The following LRRTM4 variants were observed in gnomAD, a reference collection of about 807,000 sequenced individuals.
LRRTM4 encodes the protein leucine-rich repeat transmembrane neuronal protein 4.
A neutral mutation model predicts 47.6 loss-of-function variants in LRRTM4; 25 were observed. The observed-to-expected ratio is 0.53, with a 90% CI of 0.38 to 0.73. The LOEUF is 0.73. Ranked by LOEUF, LRRTM4 falls within the 30% of genes least tolerant of loss-of-function variation. The pLI, the probability that LRRTM4 is intolerant of heterozygous loss-of-function variation, is 0.00. For missense variants in LRRTM4, 638 were observed against 713.4 expected (o/e 0.89, Z 1.20); for synonymous variants, 311 against 269.5 (o/e 1.15, Z -1.51).
chr2:77,099,923 G>T (rs559723571), intron 3 of LRRTM4, among the ~76,000 whole-genome samples: 1 of 152,222 alleles, frequency 6.6e-6, no homozygotes, highest in Non-Finnish European at 1.5e-5. Context: ...GTGTGAAAGT[G>T]CAGGTGTATA....
intron 3 of LRRTM4, among the ~76,000 whole-genome samples, chr2:77,139,786 C>A (rs878921264): frequency 6.6e-6 from 1 of 152,130 alleles, no homozygotes; most frequent in South Asian, 2.1e-4. Context: ...TCTCAGGATA[C>A]AAAATCAATG....
intron 3 of LRRTM4, among the ~76,000 whole-genome samples, chr2:77,204,767 T>C (rs1012961148): frequency 4.6e-5 from 7 of 152,164 alleles, no homozygotes; most frequent in Non-Finnish European, 1.0e-4. Flanking sequence ...ACTTATGTCC[T>C]ACACCAGGCA....
intron 3 of LRRTM4, among the ~76,000 whole-genome samples, chr2:76,974,064 G>T (rs898367188): frequency 6.6e-6 from 1 of 150,590 alleles, no homozygotes; most frequent in Non-Finnish European, 1.5e-5. Flanking sequence ...TTAGAGAAAG[G>T]TTTTACCATC....
chr2:77,464,643 G>C (rs1404959029), intron 3 of LRRTM4, among the ~76,000 whole-genome samples: 2 of 151,998 alleles, frequency 1.3e-5, no homozygotes, highest in Non-Finnish European at 2.9e-5. Flanking sequence ...TTATGAACTG[G>C]TCTTAGGCAC....
At chr2:76,929,776 T>C (rs1045626498) in intron 3 of LRRTM4, among the ~76,000 whole-genome samples, 30 of 152,204 alleles carry the variant, frequency 2.0e-4, no homozygotes, top group African/African-American at 7.2e-4. Context: ...ATCAGTGATC[T>C]GATTAAAAAA....
intron 3 of LRRTM4, among the ~76,000 whole-genome samples, chr2:77,042,029 G>A (rs1204393090): frequency 6.6e-6 from 1 of 151,206 alleles, no homozygotes; most frequent in Non-Finnish European, 1.5e-5. Flanking sequence ...ACAACCGAAT[G>A]CAATGTGTAA....
chr2:77,370,371 A>C (rs1207175788), intron 3 of LRRTM4, among the ~76,000 whole-genome samples: 2 of 151,912 alleles, frequency 1.3e-5, no homozygotes, highest in South Asian at 2.1e-4. Context: ...GTTTCAGCAT[A>C]ATAACTACTG....
At chr2:77,417,497 G>A (rs1241393990) in intron 3 of LRRTM4, among the ~76,000 whole-genome samples, 1 of 152,096 alleles carries the variant, frequency 6.6e-6, no homozygotes. Flanking sequence ...CAACCCAAAT[G>A]TCCAACAATG....
At chr2:77,284,654 A>G (rs1238104026) in intron 3 of LRRTM4, among the ~76,000 whole-genome samples, 1 of 152,130 alleles carries the variant, frequency 6.6e-6, no homozygotes, top group Non-Finnish European at 1.5e-5. Flanking sequence ...CTTAAGATCA[A>G]CTAGAAGTTA....
chr2:77,147,733 T>C (rs1672297706), intron 3 of LRRTM4, among the ~76,000 whole-genome samples: 1 of 152,182 alleles, frequency 6.6e-6, no homozygotes, highest in Non-Finnish European at 1.5e-5. Context: ...CATTCAAAAA[T>C]GTAAACTGAG....
At chr2:76,977,737 C>G (rs1676466635) in intron 3 of LRRTM4, among the ~76,000 whole-genome samples, 1 of 151,852 alleles carries the variant, frequency 6.6e-6, no homozygotes, top group African/African-American at 2.4e-5. Context: ...TAATGGTTAT[C>G]AACTGATGAT....
At chr2:77,041,370 A>G (rs1208585655) in intron 3 of LRRTM4, among the ~76,000 whole-genome samples, 2 of 151,502 alleles carry the variant, frequency 1.3e-5, no homozygotes, top group South Asian at 2.1e-4. Flanking sequence ...TAGTGTTGCA[A>G]TAGACATGGG....
intron 3 of LRRTM4, among the ~76,000 whole-genome samples, chr2:77,381,036 C>A (rs767648250): frequency 6.6e-6 from 1 of 151,894 alleles, no homozygotes; most frequent in Non-Finnish European, 1.5e-5. Flanking sequence ...ATGAGTAATT[C>A]TAATTTTTCT....
chr2:76,849,808 C>T (rs1348262054), intron 3 of LRRTM4, among the ~76,000 whole-genome samples: 1 of 152,068 alleles, frequency 6.6e-6, no homozygotes, highest in South Asian at 2.1e-4. Flanking sequence ...AGTAAGCAAT[C>T]TCTTAGAAGT....
chr2:76,892,389 T>C (rs778909626), intron 3 of LRRTM4, among the ~76,000 whole-genome samples: 2 of 151,796 alleles, frequency 1.3e-5, no homozygotes, highest in Non-Finnish European at 3.0e-5. Flanking sequence ...ACAACATAAA[T>C]AATTACTATT....
At chr2:77,287,929 G>T (rs1676709813) in intron 3 of LRRTM4, among the ~76,000 whole-genome samples, 1 of 152,034 alleles carries the variant, frequency 6.6e-6, no homozygotes, top group Non-Finnish European at 1.5e-5. Flanking sequence ...ATGGATAAAG[G>T]GGCACTACTG....
intron 3 of LRRTM4, among the ~76,000 whole-genome samples, chr2:77,192,756 A>T (rs1424198209): frequency 2.0e-5 from 3 of 152,128 alleles, no homozygotes; most frequent in African/African-American, 7.2e-5. Context: ...TCCAGATGTG[A>T]TCTTAAGTTG....
intron 3 of LRRTM4, among the ~76,000 whole-genome samples, chr2:76,805,560 T>C (rs1176815657): frequency 6.6e-6 from 1 of 152,166 alleles, no homozygotes; most frequent in Non-Finnish European, 1.5e-5. Flanking sequence ...TATTAAATTC[T>C]CCTTCTACCA....
At chr2:76,968,287 A>T (rs898083236) in intron 3 of LRRTM4, among the ~76,000 whole-genome samples, 2 of 145,764 alleles carry the variant, frequency 1.4e-5, no homozygotes, top group Admixed American at 6.9e-5. Context: ...TGAGTCTAAA[A>T]ATCTCACAAT....
Sources: gnomAD v4.1 joint callset for allele counts (sites outside exome capture counted in the v4.1 genomes callset) on GRCh38, gnomAD v4.1.1 for gene constraint, MANE v1.5 for transcripts, NCBI Gene and HGNC (gene_info 2026-07-23, HGNC 2026-07-21) for gene names.